The following ERG variants were observed in gnomAD, a reference collection of about 807,000 sequenced individuals.
The protein encoded by ERG is transcriptional regulator ERG.
A neutral mutation model predicts 55.3 loss-of-function variants in ERG; 9 were observed. The observed-to-expected ratio is 0.16, with a 90% CI of 0.10 to 0.28. The LOEUF (loss-of-function observed/expected upper bound fraction) is 0.28. Ranked by LOEUF, ERG falls within the 10% of genes least tolerant of loss-of-function variation. The pLI is 1.00. For missense variants in ERG, 434 were observed against 631.6 expected (o/e 0.69, Z 3.35); for synonymous variants, 223 against 237.3 (o/e 0.94, Z 0.55).
intron 6 of ERG, among the ~76,000 whole-genome samples, chr21:38,396,612 G>A (rs1376815997): frequency 6.6e-6 from 1 of 152,214 alleles, no homozygotes; most frequent in East Asian, 1.9e-4. Context: ...GGGTTGTCAT[G>A]GGGATGGAAG....
At chr21:38,493,504 G>A (rs990430578) in intron 1 of ERG, among the ~76,000 whole-genome samples, 3 of 152,132 alleles carry the variant, frequency 2.0e-5, no homozygotes, top group East Asian at 3.8e-4. Flanking sequence ...ACTTTTAAAC[G>A]TTTTCTCTAC....
rs1431249180 is a variant in ERG, at chr21:38,380,214, C to T, written c.*3189G>A. ...TCTGTGCTTTCCCTGTGCCCCATCA[C>T]CTTCCCAGCTCCTGAGCTGTAGCCA... is the stretch of plus-strand genomic sequence containing the variant. On this transcript the variant is annotated 3_prime_UTR_variant, in exon 10 of 10. Coordinates refer to ENST00000288319, the MANE Select transcript of ERG (RefSeq NM_182918.4). The T allele has an allele frequency of 9.5e-7, 1 of 1,052,038 alleles. No homozygotes were observed. Among genetic ancestry groups the T allele is most frequent in the Non-Finnish European group, 1.1e-6 (1 of 871,000 alleles). The allele number at this position is 1,052,038 out of a possible 1,614,324, so 65.2% of individuals were successfully genotyped here.
chr21:38,460,031 T>C lies in ERG; in HGVS notation c.19-14410A>G, dbSNP rs964201036. Among the ~76,000 whole-genome samples the C allele has an allele frequency of 1.3e-5, 2 of 152,234 alleles. No individual in the cohort carries two copies. The highest frequency in any genetic ancestry group is 2.9e-5 in the Non-Finnish European group (2 of 68,042). On this transcript the variant is annotated intron_variant, in intron 1 of 9. Coordinates refer to ENST00000288319, the MANE Select transcript of ERG (RefSeq NM_182918.4). The surrounding 1 kb of genome is among the most constrained non-coding windows in gnomAD (Gnocchi z 5.0). Reference sequence around the variant, plus strand: ...ACTCAGGAAAAGAGAGGTAAACTGCTGCTTTTCATTTAGAGTGGCCAGGGT... The same window carrying C: ...ACTCAGGAAAAGAGAGGTAAACTGCCGCTTTTCATTTAGAGTGGCCAGGGT...
chr21:38,455,035 C>A (rs2058974383), intron 1 of ERG, among the ~76,000 whole-genome samples: 1 of 152,042 alleles, frequency 6.6e-6, no homozygotes, highest in Non-Finnish European at 1.5e-5. Flanking sequence ...TGTTGGTATT[C>A]TCTACATAAC....
chr21:38,426,712 C>T (rs1350823136), intron 2 of ERG, among the ~76,000 whole-genome samples: 2 of 152,028 alleles, frequency 1.3e-5, no homozygotes, highest in Non-Finnish European at 2.9e-5. Context: ...GGGCGGATCA[C>T]CTGAGGTCGG....
At chr21:38,453,161 C>A (rs984017420) in intron 1 of ERG, among the ~76,000 whole-genome samples, 1 of 152,180 alleles carries the variant, frequency 6.6e-6, no homozygotes, top group Non-Finnish European at 1.5e-5. Flanking sequence ...TACCAAAGAG[C>A]GTATTATTGC....
intron 1 of ERG, among the ~76,000 whole-genome samples, chr21:38,491,072 T>A (rs2059331433): frequency 6.6e-6 from 1 of 152,204 alleles, no homozygotes; most frequent in African/African-American, 2.4e-5. Flanking sequence ...TTTTTTTCTT[T>A]TTAACTTGGA....
At chr21:38,623,166 ACAC>A (rs1046891434) in intron 1 of ERG, among the ~76,000 whole-genome samples, 13 of 151,638 alleles carry the variant, frequency 8.6e-5, no homozygotes, top group African/African-American at 2.2e-4. Context: ...CCACACACAC[ACAC>A]ATTACATACA....
intron 2 of ERG, among the ~76,000 whole-genome samples, chr21:38,508,006 C>G (rs117488833): frequency 4.3e-5 from 3 of 70,270 alleles, no homozygotes; most frequent in East Asian, 4.0e-4. Flanking sequence ...CATGCACACA[C>G]ACAGAGACAC....
chr21:38,429,390 C>A (rs1990013204), intron 2 of ERG, among the ~76,000 whole-genome samples: 1 of 30,792 alleles, frequency 3.2e-5, no homozygotes, highest in African/African-American at 6.2e-5. Flanking sequence ...TATATATGTA[C>A]ACATATACAC....
chr21:38,532,322 A>G (rs560041559), intron 2 of ERG, among the ~76,000 whole-genome samples: 17 of 127,716 alleles, frequency 1.3e-4, no homozygotes, highest in African/African-American at 3.8e-4. Flanking sequence ...ACCCACCCAC[A>G]TAACAAGACA....
intron 1 of ERG, among the ~76,000 whole-genome samples, chr21:38,577,610 G>T (rs959366683): frequency 6.6e-6 from 1 of 152,098 alleles, no homozygotes; most frequent in Non-Finnish European, 1.5e-5. Flanking sequence ...GGGCCTGGCT[G>T]AAGGTTTCTG....
At chr21:38,638,904 T>C (rs1156888904) in intron 1 of ERG, among the ~76,000 whole-genome samples, 1 of 152,100 alleles carries the variant, frequency 6.6e-6, no homozygotes, top group Non-Finnish European at 1.5e-5. Context: ...AATCAGGGAC[T>C]CCAGGCTCTG....
In ERG at chr21:38,460,487, T is replaced by C. The variant is rs1478300955; in HGVS notation, c.19-14866A>G. 6.6e-6 allele frequency among the ~76,000 whole-genome samples: 1 copy of C among 152,244 alleles called. No individual in the cohort carries two copies. The highest frequency in any genetic ancestry group is 1.5e-5 in the Non-Finnish European group (1 of 68,044). On this transcript the variant is annotated intron_variant, in intron 1 of 9. Coordinates refer to ENST00000288319, the MANE Select transcript of ERG (RefSeq NM_182918.4). The surrounding 1 kb of genome is among the most constrained non-coding windows in gnomAD (Gnocchi z 5.0). ...GAGAATGCATATATTGCATATGCCA[T>C]GTGTACACCAAAAGCCACACCTAAT...
exon 1 of ERG, chr21:38,661,690 G>C (rs1016325396): frequency 1.3e-5 from 2 of 152,278 alleles, no homozygotes; most frequent in East Asian, 1.9e-4. Context: ...CATGTCCCTC[G>C]GGGGCCGTCA....
intron 6 of ERG, among the ~76,000 whole-genome samples, chr21:38,399,546 T>TA (rs1483380779): frequency 6.6e-6 from 1 of 152,210 alleles, no homozygotes; most frequent in African/African-American, 2.4e-5. Flanking sequence ...GTGAGGCTGG[T>TA]ACAATGATAC....
rs372875299 is a variant in ERG, at chr21:38,622,658, C to T, written c.-149-37713G>A. On this transcript the variant is annotated intron_variant, in intron 1 of 10. Coordinates refer to the ERG transcript ENST00000398910. ...ACACATACACATCACACGTCACATA[C>T]ACACCACACATTACATACACACCAT... Among the ~76,000 whole-genome samples, 8 of 149,130 alleles carry T rather than the reference C, an allele frequency of 5.4e-5. No homozygotes were observed. In the East Asian group the frequency reaches 1.0e-3, roughly 19 times the overall value.
intron 1 of ERG, among the ~76,000 whole-genome samples, chr21:38,476,447 G>C (rs114347183): frequency 6.6e-6 from 1 of 152,126 alleles, no homozygotes; most frequent in Non-Finnish European, 1.5e-5. Context: ...ACACCACTCC[G>C]CATTGTTTCA....
At chr21:38,618,287 G>A (rs890066016) in intron 1 of ERG, among the ~76,000 whole-genome samples, 4 of 152,190 alleles carry the variant, frequency 2.6e-5, no homozygotes, top group Admixed American at 6.5e-5. Flanking sequence ...ATCTCGGAAC[G>A]AACAGGTGCA....
Sources: gnomAD v4.1 joint callset for allele counts (sites outside exome capture counted in the v4.1 genomes callset) on GRCh38, gnomAD v4.1.1 for gene constraint, Gnocchi (gnomAD v3.1) non-coding constraint, MANE v1.5 for transcripts, NCBI Gene and HGNC (gene_info 2026-07-23, HGNC 2026-07-21) for gene names.